Variants in LRRC4C observed in about 807,000 individuals in gnomAD.
LRRC4C encodes leucine-rich repeat-containing protein 4C.
A neutral mutation model predicts 33.6 loss-of-function variants in LRRC4C; 5 were observed. The ratio of observed to expected loss-of-function variants is 0.15; its 90% CI spans 0.08 to 0.31. The LOEUF (loss-of-function observed/expected upper bound fraction) is 0.31, where lower values mean the gene tolerates loss of function less well. Among genes scored for constraint, LRRC4C ranks in the 10% least tolerant of loss-of-function variants. The pLI is 1.00. For synonymous variants in LRRC4C, 329 were observed against 302.0 expected (o/e 1.09, Z -0.93); for missense variants, 560 against 796.7 (o/e 0.70, Z 3.58).
intron 1 of LRRC4C, among the ~76,000 whole-genome samples, chr11:41,160,448 C>CTAGAAATT (rs891836530): frequency 1.3e-5 from 2 of 151,388 alleles, no homozygotes; most frequent in Non-Finnish European, 2.9e-5. Flanking sequence ...CATTTTACCA[C>CTAGAAATT]TAGAAATTTT....
chr11:40,544,833 T>A (rs1371764029), intron 3 of LRRC4C, among the ~76,000 whole-genome samples: 1 of 152,110 alleles, frequency 6.6e-6, no homozygotes, highest in Non-Finnish European at 1.5e-5. Flanking sequence ...TTTCCATTAT[T>A]GTCCTTTATT....
chr11:40,397,509 T>C (rs1299376190), intron 3 of LRRC4C, among the ~76,000 whole-genome samples: 1 of 152,144 alleles, frequency 6.6e-6, no homozygotes, highest in African/African-American at 2.4e-5. Flanking sequence ...CCAATATTCC[T>C]AAAGAAAAAT....
chr11:40,235,278 C>T (rs1565168717), intron 5 of LRRC4C, among the ~76,000 whole-genome samples: 1 of 152,228 alleles, frequency 6.6e-6, no homozygotes, highest in East Asian at 1.9e-4. Flanking sequence ...ACATTTAGCC[C>T]AATAGCTGGA....
intron 1 of LRRC4C, among the ~76,000 whole-genome samples, chr11:41,200,285 T>A (rs189347965): frequency 6.6e-6 from 1 of 152,124 alleles, no homozygotes; most frequent in Non-Finnish European, 1.5e-5. Context: ...TATACATAAA[T>A]TATTCTGAAA....
At chr11:40,596,163 C>A (rs920002112) in intron 3 of LRRC4C, among the ~76,000 whole-genome samples, 2 of 152,126 alleles carry the variant, frequency 1.3e-5, no homozygotes, top group African/African-American at 4.8e-5. Context: ...CTTGGTTTGA[C>A]ATAAAACCCC....
intron 2 of LRRC4C, among the ~76,000 whole-genome samples, chr11:40,651,575 G>A (rs925388766): frequency 6.6e-5 from 10 of 152,234 alleles, no homozygotes; most frequent in Admixed American, 5.9e-4. Context: ...CCAGTTAAGC[G>A]ATTTCCATGC....
intron 3 of LRRC4C, among the ~76,000 whole-genome samples, chr11:40,409,796 T>TA (rs1950090702): frequency 6.6e-6 from 1 of 152,068 alleles, no homozygotes; most frequent in South Asian, 2.1e-4. Context: ...TGTAAATTAG[T>TA]ATAAGCATTA....
At chr11:40,352,162 C>A (rs748631813) in intron 3 of LRRC4C, among the ~76,000 whole-genome samples, 1 of 116,694 alleles carries the variant, frequency 8.6e-6, no homozygotes, top group African/African-American at 3.2e-5. Context: ...TTCCTTCCTT[C>A]CTTCCCTTTC....
chr11:40,410,041 G>A (rs900011910), intron 3 of LRRC4C, among the ~76,000 whole-genome samples: 9 of 151,956 alleles, frequency 5.9e-5, no homozygotes, highest in African/African-American at 2.2e-4. Context: ...AGTTTTATTG[G>A]AACACAGCCA....
chr11:41,203,210 T>G (rs1946470728), intron 1 of LRRC4C, among the ~76,000 whole-genome samples: 1 of 152,208 alleles, frequency 6.6e-6, no homozygotes, highest in African/African-American at 2.4e-5. Flanking sequence ...AAATAGACAC[T>G]TGGACAGACA....
At chr11:40,515,866 C>T (rs2135179639) in intron 3 of LRRC4C, among the ~76,000 whole-genome samples, 1 of 152,068 alleles carries the variant, frequency 6.6e-6, no homozygotes, top group East Asian at 1.9e-4. Flanking sequence ...AATGTACTTT[C>T]ATGATTAAGT....
At chr11:40,728,275 C>T (rs1315500279) in intron 2 of LRRC4C, among the ~76,000 whole-genome samples, 1 of 151,822 alleles carries the variant, frequency 6.6e-6, no homozygotes, top group Non-Finnish European at 1.5e-5. Flanking sequence ...TACCATTTGA[C>T]CCAGAAACCC....
chr11:41,281,096 TCTCTCTCTCA>T (rs1301459930), intron 1 of LRRC4C, among the ~76,000 whole-genome samples: 1 of 116,092 alleles, frequency 8.6e-6, no homozygotes. Flanking sequence ...TCTCTCTCTC[TCTCTCTCTCA>T]CACACACACA....
chr11:40,720,603 T>C (rs1275559034), intron 2 of LRRC4C, among the ~76,000 whole-genome samples: 4 of 151,844 alleles, frequency 2.6e-5, no homozygotes, highest in Non-Finnish European at 5.9e-5. Context: ...GGAGGTCAGG[T>C]ACCACCTCGT....
chr11:40,426,607 T>C (rs76951837), intron 3 of LRRC4C, among the ~76,000 whole-genome samples: 5,552 of 152,266 alleles, frequency 0.036, 337 homozygotes, highest in African/African-American at 0.13. Context: ...TCTGAGATAC[T>C]ATATACTTTA....
At chr11:40,586,203 T>C (rs1452270622) in intron 3 of LRRC4C, among the ~76,000 whole-genome samples, 3 of 152,076 alleles carry the variant, frequency 2.0e-5, no homozygotes. Context: ...GTGGTTTTGA[T>C]TTGCATTTCT....
chr11:40,964,803 C>T (rs1851225778), intron 1 of LRRC4C, among the ~76,000 whole-genome samples: 1 of 151,394 alleles, frequency 6.6e-6, no homozygotes, highest in Non-Finnish European at 1.5e-5. Context: ...CAAGTCTTTG[C>T]TATTGTGAAT....
At chr11:41,382,722 T>C (rs902030069) in intron 1 of LRRC4C, among the ~76,000 whole-genome samples, 12 of 151,994 alleles carry the variant, frequency 7.9e-5, no homozygotes, top group African/African-American at 2.9e-4. Flanking sequence ...CTCATAAAAA[T>C]AATAAAAGAA....
chr11:41,100,700 T>G (rs1243473501), intron 1 of LRRC4C, among the ~76,000 whole-genome samples: 1 of 152,120 alleles, frequency 6.6e-6, no homozygotes, highest in Non-Finnish European at 1.5e-5. Context: ...ATTTTAAAAT[T>G]CACGTGGAAC....
Sources: gnomAD v4.1 joint callset for allele counts (sites outside exome capture counted in the v4.1 genomes callset) on GRCh38, gnomAD v4.1.1 for gene constraint, MANE v1.5 for transcripts, NCBI Gene and HGNC (gene_info 2026-07-23, HGNC 2026-07-21) for gene names.